The following GYPE variants were observed in gnomAD, a reference collection of about 807,000 sequenced individuals.
The protein encoded by GYPE is glycophorin E (MNS blood group).
In GYPE, 8 loss-of-function variants were observed where a neutral mutation model predicts 11.6. The observed-to-expected ratio is 0.69, with a 90% CI of 0.41 to 1.25. The LOEUF (loss-of-function observed/expected upper bound fraction) is 1.25. Among genes scored for constraint, GYPE ranks in the 50% most tolerant of loss-of-function variants. The pLI is 0.01. For synonymous variants in GYPE, 28 were observed against 29.6 expected, an observed-to-expected ratio of 0.94 and a Z score of 0.18; for missense variants, 90 against 92.8, an observed-to-expected ratio of 0.97 and a Z score of 0.12.
chr4:143,894,139 G>A lies in GYPE; in HGVS notation c.37+11332C>T, dbSNP rs956559148. On this transcript the variant is annotated intron_variant, in intron 1 of 3. Transcript: ENST00000358615. ...CTTCTGCATTATTCACGTAGTTCTC[G>A]AGGCTTGGCTTTCAACTCCATCAGC... Among the ~76,000 whole-genome samples, 56 of 151,980 alleles carry A rather than the reference G, an allele frequency of 3.7e-4. 2 individuals carry two copies. The South Asian group carries it at 8.5e-3, about 23-fold the overall frequency.
chr4:143,905,301 TC>T (rs1339460283), intron 1 of GYPE, among the ~76,000 whole-genome samples, 169 bp downstream of exon 1: 1 of 152,088 alleles, frequency 6.6e-6, no homozygotes, highest in Admixed American at 6.6e-5. Flanking sequence ...TTGTGCCATT[TC>T]CCCCACATTG....
chr4:143,891,326 T>C (rs199591444), intron 1 of GYPE, among the ~76,000 whole-genome samples: 74 of 2,720 alleles, frequency 0.027, 29 homozygotes, highest in Non-Finnish European at 0.2. Context: ...ATTTTTTTTG[T>C]TTCTTTTTTT....
intron 2 of GYPE, among the ~76,000 whole-genome samples, chr4:143,879,991 T>G (rs1167928639): frequency 6.6e-6 from 1 of 152,136 alleles, no homozygotes; most frequent in African/African-American, 2.4e-5. Flanking sequence ...AAGTACTGTG[T>G]TATTGGCCCC....
intron 2 of GYPE, 94 bp downstream of exon 2, chr4:143,880,317 G>A: frequency 6.3e-7 from 1 of 1,595,176 alleles, no homozygotes. Flanking sequence ...CTCAGTGTTT[G>A]TCAGTTTCTC....
intron 1 of GYPE, among the ~76,000 whole-genome samples, chr4:143,902,219 C>CG (rs1318330296): frequency 2.0e-5 from 3 of 151,212 alleles, no homozygotes; most frequent in Admixed American, 6.6e-5. Context: ...GACACATAAG[C>CG]AAAGACACAG....
intron 3 of GYPE, among the ~76,000 whole-genome samples, chr4:143,874,585 G>A (rs1310556913): frequency 2.0e-5 from 3 of 152,190 alleles, no homozygotes; most frequent in Admixed American, 6.5e-5. Flanking sequence ...CCTGCTCTAC[G>A]TCCTGTTTTT....
At chr4:143,879,761 G>A (rs1743951686) in intron 2 of GYPE, among the ~76,000 whole-genome samples, 1 of 152,152 alleles carries the variant, frequency 6.6e-6, no homozygotes, top group Admixed American at 6.5e-5. Context: ...TGGACATAAA[G>A]TGTATCATGA....
Position 143,904,066 on chromosome 4 carries a change from T to C in GYPE, c.37+1405A>G, listed in dbSNP as rs1484376275. ...CCTTTCATTTGTTTTTTCTTCAAAC[T>C]AAATGTTTTCATACTTTTCTGCTTA... On this transcript the variant is annotated intron_variant, in intron 1 of 3. Transcript: ENST00000358615. 2.0e-5 allele frequency among the ~76,000 whole-genome samples: 3 copies of C among 152,246 alleles called. No homozygotes were observed. The East Asian group carries it at 5.8e-4, about 29-fold the overall frequency.
At chr4:143,880,594 C>T in intron 1 of GYPE, 85 bp from the exon 2 acceptor site, 1 of 1,601,836 alleles carries the variant, frequency 6.2e-7, no homozygotes, top group Non-Finnish European at 8.5e-7. Context: ...CAAATTCCCT[C>T]ACATCCCTCC....
At chr4:143,892,925 C>T (rs866382473) in intron 1 of GYPE, among the ~76,000 whole-genome samples, 4 of 150,152 alleles carry the variant, frequency 2.7e-5, no homozygotes, top group Admixed American at 6.7e-5. Context: ...AAGTCTCCCA[C>T]TATTATTGTG....
At chr4:143,898,726 C>T (rs1361877561) in intron 1 of GYPE, among the ~76,000 whole-genome samples, 3 of 152,100 alleles carry the variant, frequency 2.0e-5, no homozygotes, top group Non-Finnish European at 4.4e-5. Flanking sequence ...TTTTTGCTAA[C>T]GAATCAATGA....
At chr4:143,891,639 T>C (rs997110163) in intron 1 of GYPE, among the ~76,000 whole-genome samples, 1 of 152,124 alleles carries the variant, frequency 6.6e-6, no homozygotes, top group Admixed American at 6.5e-5. Flanking sequence ...ATTTTGATTT[T>C]TTTAAGTACT....
intron 3 of GYPE, among the ~76,000 whole-genome samples, chr4:143,875,948 C>T (rs1743788230): frequency 6.6e-6 from 1 of 150,750 alleles, no homozygotes; most frequent in Non-Finnish European, 1.5e-5. Context: ...TGCACTCAAG[C>T]CTGGGTGACA....
At chr4:143,873,334 C>T (rs1453819506) in intron 3 of GYPE, 1 of 428,214 alleles carries the variant, frequency 2.3e-6, no homozygotes, top group Non-Finnish European at 4.7e-6. Context: ...TAGCGTTCAG[C>T]TGAGAATGGA....
intron 1 of GYPE, among the ~76,000 whole-genome samples, chr4:143,903,538 A>AAAAAAAAAAAAAAAAG (rs1553989204): frequency 6.7e-6 from 1 of 149,470 alleles, no homozygotes; most frequent in African/African-American, 2.5e-5. Context: ...AAAAAAAAAA[A>AAAAAAAAAAAAAAAAG]AAAAGAAAAA....
At chr4:143,904,450 C>T (rs1219716579) in intron 1 of GYPE, among the ~76,000 whole-genome samples, 1 of 152,104 alleles carries the variant, frequency 6.6e-6, no homozygotes, top group Non-Finnish European at 1.5e-5. Flanking sequence ...TTAATGTTCC[C>T]CAGCCTTGAG....
intron 1 of GYPE, among the ~76,000 whole-genome samples, chr4:143,904,730 G>C (rs1173538303): frequency 1.3e-5 from 2 of 152,070 alleles, no homozygotes; most frequent in Middle Eastern, 6.3e-3. Flanking sequence ...CTGGGCACTA[G>C]TATTGCTAAC....
chr4:143,872,292 A>G (rs552800345), intron 3 of GYPE, 40 bp from the exon 4 acceptor site: 114 of 152,738 alleles, frequency 7.5e-4, no homozygotes, highest in African/African-American at 2.6e-3. Flanking sequence ...TCATTTACAT[A>G]TAAGATTGAT....
chr4:143,882,890 A>G (rs568328020), intron 1 of GYPE, among the ~76,000 whole-genome samples: 61 of 152,310 alleles, frequency 4.0e-4, no homozygotes, highest in Admixed American at 7.8e-4. Flanking sequence ...TTTTCTCAGC[A>G]TGAGAATAGT....
Sources: gnomAD v4.1 joint callset for allele counts (sites outside exome capture counted in the v4.1 genomes callset) on GRCh38, gnomAD v4.1.1 for gene constraint, MANE v1.5 for transcripts, NCBI Gene and HGNC (gene_info 2026-07-23, HGNC 2026-07-21) for gene names.